Variants in RAP1GAP2 observed in about 807,000 individuals in gnomAD.
RAP1GAP2 encodes RAP1 GTPase activating protein 2.
RAP1GAP2 carries 27 observed loss-of-function variants against 95.0 expected under a neutral mutation model. The ratio of observed to expected loss-of-function variants is 0.28; its 90% confidence interval spans 0.21 to 0.39. RAP1GAP2 has a LOEUF of 0.39. RAP1GAP2 is among the 10% of genes least tolerant of loss of function. The pLI is 1.00. For synonymous variants in RAP1GAP2, 373 were observed against 380.9 expected (o/e 0.98, Z 0.24); for missense variants, 771 against 970.0 (o/e 0.79, Z 2.72).
intron 12 of RAP1GAP2, 26 bp from the exon 13 acceptor site, chr17:2,995,311 C>T (rs1294532787): frequency 6.2e-7 from 1 of 1,610,084 alleles, no homozygotes; most frequent in African/African-American, 1.3e-5. Context: ...CTTTTCTCCC[C>T]ATCTCCTGCC....
chr17:2,887,885 G>A (rs2073554858), intron 2 of RAP1GAP2, among the ~76,000 whole-genome samples: 1 of 151,940 alleles, frequency 6.6e-6, no homozygotes, highest in African/African-American at 2.4e-5. Context: ...TGTTGGGCAG[G>A]CTGGTCTTGA....
At chr17:2,920,418 C>A (rs538020629) in intron 3 of RAP1GAP2, among the ~76,000 whole-genome samples, 1 of 152,306 alleles carries the variant, frequency 6.6e-6, no homozygotes, top group East Asian at 1.9e-4. Flanking sequence ...GAAGCCTGAC[C>A]AGCCATCCCA....
Position 2,970,273 on chromosome 17 carries a change from C to CA in RAP1GAP2, c.596+4653dup, listed in dbSNP as rs869121536. ...TGGGCGACAGAGTGAGACTCTGTCT[C>CA]AAAAAAAAAAAAAAAAAAAAAAATA... is the stretch of plus-strand genomic sequence containing the variant. On this transcript the variant is annotated intron_variant, in intron 8 of 24. Transcript: ENST00000254695. Among the ~76,000 whole-genome samples the CA allele has an allele frequency of 6.7e-3, 733 of 109,554 alleles. 15 individuals carry two copies. The highest frequency in any genetic ancestry group is 0.014 in the East Asian group (43 of 3,164). The allele number at this position is 109,554 out of a possible 152,430, so 71.9% of individuals were successfully genotyped here. A position where few individuals can be genotyped will look rare whatever the true frequency, so the allele number is the denominator to read the frequency against.
At chr17:2,794,340 T>C (rs2069010462), upstream of RAP1GAP2, among the ~76,000 whole-genome samples, 1 of 151,964 alleles carries the variant, frequency 6.6e-6, no homozygotes, top group South Asian at 2.1e-4. Context: ...GTGGATTGAG[T>C]GCAGAGGGTT....
intron 22 of RAP1GAP2, 29 bp from the exon 23 acceptor site, chr17:3,030,893 C>T (rs757131246): frequency 6.3e-7 from 1 of 1,581,720 alleles, no homozygotes; most frequent in South Asian, 1.1e-5. Flanking sequence ...ACAGCTCCAC[C>T]CTCCTTTCAT....
At chr17:2,841,557 C>T (rs1204707988) in intron 2 of RAP1GAP2, among the ~76,000 whole-genome samples, 5 of 152,112 alleles carry the variant, frequency 3.3e-5, no homozygotes, top group Middle Eastern at 3.4e-3. Context: ...CTGCCTGCCT[C>T]GGCCTCGGAA....
At position 2,906,768 on chromosome 17, in the gene RAP1GAP2, G is replaced by T. The variant is rs1241658272; in HGVS notation, c.165+1400G>T. The stretch of plus-strand genomic sequence containing the variant: ...GAGAAGTCTGACAGTCTCCTAGGAG[G>T]AGTCCCTGAATTCTCTTGGCAGATT... On this transcript the variant is annotated intron_variant, in intron 3 of 24. Coordinates refer to ENST00000254695, the MANE Select transcript of RAP1GAP2 (RefSeq NM_015085.5). This position sits in a 1 kb window ranked among gnomAD's most constrained non-coding sequence, Gnocchi z 4.3. Among the ~76,000 whole-genome samples, 1 of 152,116 alleles carries T rather than the reference G, an allele frequency of 6.6e-6. No individual in the cohort carries two copies. The highest frequency in any genetic ancestry group is 1.5e-5 in the Non-Finnish European group (1 of 68,012).
At chr17:3,014,107 A>C (rs2046668404) in intron 17 of RAP1GAP2, among the ~76,000 whole-genome samples, 1 of 149,808 alleles carries the variant, frequency 6.7e-6, no homozygotes, top group Non-Finnish European at 1.5e-5. Flanking sequence ...TGGATGGTCT[A>C]GCCTAGGACA....
intron 10 of RAP1GAP2, among the ~76,000 whole-genome samples, chr17:2,983,644 T>C (rs1270707324): frequency 6.6e-6 from 1 of 152,238 alleles, no homozygotes; most frequent in African/African-American, 2.4e-5. Context: ...TAACAGTTAA[T>C]TGTCCATAAC....
intron 13 of RAP1GAP2, 144 bp from the exon 14 acceptor site, chr17:2,998,077 A>C: frequency 1.1e-6 from 1 of 918,606 alleles, no homozygotes; most frequent in Non-Finnish European, 1.7e-6. Context: ...TTTCATACTT[A>C]AACTTCCAAA....
intron 3 of RAP1GAP2, among the ~76,000 whole-genome samples, chr17:2,908,057 G>T (rs923866681): frequency 1.3e-5 from 2 of 151,844 alleles, no homozygotes; most frequent in African/African-American, 2.4e-5. Context: ...CGCCCGCCTC[G>T]GCCTCCCAAA....
At chr17:2,854,524 TCTGCG>T (rs1323294358) in intron 2 of RAP1GAP2, among the ~76,000 whole-genome samples, 2 of 152,244 alleles carry the variant, frequency 1.3e-5, no homozygotes, top group African/African-American at 4.8e-5. Context: ...ATCCGCTTGC[TCTGCG>T]CTCGGTGCCG....
upstream of RAP1GAP2, among the ~76,000 whole-genome samples, chr17:2,795,122 C>T (rs1250052493): frequency 6.6e-6 from 1 of 151,848 alleles, no homozygotes; most frequent in Non-Finnish European, 1.5e-5. Flanking sequence ...AGGTGATCCA[C>T]CCGCGTTGGC....
At chr17:3,032,058 C>T (rs977714925) in intron 23 of RAP1GAP2, among the ~76,000 whole-genome samples, 7 of 147,176 alleles carry the variant, frequency 4.8e-5, no homozygotes, top group South Asian at 2.2e-4. Context: ...TCTTGGGTCC[C>T]GAATCCCTTC....
intron 22 of RAP1GAP2, among the ~76,000 whole-genome samples, chr17:3,030,043 T>C (rs970498077): frequency 1.3e-5 from 2 of 148,240 alleles, no homozygotes; most frequent in African/African-American, 4.9e-5. Context: ...TATATGTATA[T>C]ATTATATATA....
intron 2 of RAP1GAP2, among the ~76,000 whole-genome samples, chr17:2,853,405 A>G (rs1465997934): frequency 6.6e-6 from 1 of 151,724 alleles, no homozygotes; most frequent in Non-Finnish European, 1.5e-5. Context: ...CAGTGACAGC[A>G]TCGGGGAAGT....
At chr17:3,020,723 T>C in intron 19 of RAP1GAP2, 128 bp downstream of exon 19, 1 of 745,486 alleles carries the variant, frequency 1.3e-6, no homozygotes, top group Non-Finnish European at 2.2e-6. Flanking sequence ...TGGCTCTGCC[T>C]TCAGGCACCT....
intron 3 of RAP1GAP2, among the ~76,000 whole-genome samples, chr17:2,932,748 G>A (rs2043194067): frequency 7.0e-6 from 1 of 142,306 alleles, no homozygotes; most frequent in Non-Finnish European, 1.5e-5. Flanking sequence ...CCCGGGGGAG[G>A]CAGAGGTTGC....
chr17:3,011,117 G>A (rs1046497196), intron 17 of RAP1GAP2, among the ~76,000 whole-genome samples: 3 of 151,750 alleles, frequency 2.0e-5, no homozygotes, highest in Non-Finnish European at 1.5e-5. Flanking sequence ...TAGTAGAGAC[G>A]AGGTTTCACC....
Sources: allele counts gnomAD v4.1 joint callset (sites outside exome capture counted in the v4.1 genomes callset), GRCh38; gene constraint gnomAD v4.1.1; non-coding constraint Gnocchi (gnomAD v3.1); transcripts MANE v1.5; gene names NCBI Gene and HGNC (gene_info 2026-07-23, HGNC 2026-07-21).